Variants in NBEAL1 observed in about 807,000 individuals in gnomAD.
NBEAL1 encodes the protein neurobeachin-like protein 1.
In NBEAL1, 273 loss-of-function variants were observed where a neutral mutation model predicts 351.3. The ratio of observed to expected loss-of-function variants is 0.78; its 90% CI spans 0.70 to 0.86. The LOEUF (loss-of-function observed/expected upper bound fraction) is 0.86. NBEAL1 is among the 40% of genes least tolerant of loss of function. The pLI is 0.00. For synonymous variants in NBEAL1, 1,050 were observed against 1,086.4 expected (o/e 0.97, Z 0.66); for missense variants, 2,961 against 3,201.3 (o/e 0.92, Z 1.81).
chr2:203,205,642 C>T (rs1333519956), intron 51 of NBEAL1, among the ~76,000 whole-genome samples: 2 of 152,152 alleles, frequency 1.3e-5, no homozygotes, highest in African/African-American at 4.8e-5. Flanking sequence ...ATTGTTATTA[C>T]ACTTTACTGA....
intron 11 of NBEAL1, 142 bp downstream of exon 11, chr2:203,097,775 A>G (rs186039987): frequency 4.9e-6 from 1 of 204,740 alleles, no homozygotes; most frequent in Non-Finnish European, 8.6e-6. Flanking sequence ...TTTGAAAATT[A>G]CTAAAAAGTT....
At chr2:203,032,559 C>T (rs2060966593) in intron 2 of NBEAL1, among the ~76,000 whole-genome samples, 1 of 146,694 alleles carries the variant, frequency 6.8e-6, no homozygotes, top group Admixed American at 6.8e-5. Context: ...ACTTGGGAGG[C>T]TGAGGCAGGA....
chr2:203,043,450 A>G (rs534805354), intron 3 of NBEAL1, among the ~76,000 whole-genome samples: 1 of 152,192 alleles, frequency 6.6e-6, no homozygotes, highest in East Asian at 1.9e-4. Flanking sequence ...CCAGTTTAAG[A>G]TAAGTGTTGG....
chr2:203,187,571 C>A (rs1213703973), intron 44 of NBEAL1, among the ~76,000 whole-genome samples: 2 of 151,268 alleles, frequency 1.3e-5, no homozygotes, highest in African/African-American at 4.9e-5. Context: ...AAAACCCCAT[C>A]GCTACTAAAA....
Position 203,136,603 on chromosome 2 carries a change from G to A in NBEAL1, c.4394G>A (p.Cys1465Tyr). 1 of 1,605,676 alleles carries A rather than the reference G, an allele frequency of 6.2e-7. No individual in the cohort carries two copies. Among genetic ancestry groups the A allele is most frequent in the East Asian group, 2.2e-5 (1 of 44,754 alleles). Residue 1465 changes from cysteine (C) to tyrosine (Y), a missense_variant, in exon 29 of 56, where the codon TGT becomes TAT. Physicochemically the swap from Cys to Tyr is radical, Grantham distance 194. Coordinates refer to ENST00000683969, the MANE Select transcript of NBEAL1 (RefSeq NM_001378026.1). Reference sequence around the variant, plus strand: ...ATTACTTTATATTTTCCATAGAGATGTGAGGAGGAGCTTCTTCAATTACTG... The same window carrying A: ...ATTACTTTATATTTTCCATAGAGATATGAGGAGGAGCTTCTTCAATTACTG... ...DFSLLESQERCEEELLQLLTH... is the reference protein window; with the variant it reads ...DFSLLESQERYEEELLQLLTH...
Position 203,077,846 on chromosome 2 carries a change from A to G in NBEAL1, c.684+9A>G. On this transcript the variant is annotated intron_variant, in intron 8 of 55. Coordinates refer to ENST00000683969, the MANE Select transcript of NBEAL1 (RefSeq NM_001378026.1). ...TTGTAGCCGGTGGGCAGGTAAGGAA[A>G]GTGTTGAAATTTAATAAATAAAATT... is the stretch of plus-strand genomic sequence containing the variant. 7.2e-7 allele frequency: 1 copy of G among 1,390,680 alleles called. No homozygotes were observed. Among genetic ancestry groups the G allele is most frequent in the African/African-American group, 1.5e-5 (1 of 68,140 alleles). The allele number at this position is 1,390,680 out of a possible 1,614,324, so 86.1% of individuals were successfully genotyped here.
chr2:203,185,271 A>G (rs1341003374), intron 44 of NBEAL1, among the ~76,000 whole-genome samples: 7 of 152,176 alleles, frequency 4.6e-5, no homozygotes, highest in Non-Finnish European at 1.0e-4. Context: ...TTGGCATTCC[A>G]TTTTTATCCA....
intron 42 of NBEAL1, among the ~76,000 whole-genome samples, chr2:203,179,464 T>C (rs753501835): frequency 3.9e-5 from 6 of 152,076 alleles, no homozygotes; most frequent in Admixed American, 2.0e-4. Context: ...CTGGGCAACA[T>C]AGTGAGACCC....
At chr2:203,161,738 C>G in intron 36 of NBEAL1, among the ~76,000 whole-genome samples, 1 of 151,960 alleles carries the variant, frequency 6.6e-6, no homozygotes, top group Non-Finnish European at 1.5e-5. Context: ...AAGGCTGAGG[C>G]AAGAAGATAC....
intron 1 of NBEAL1, among the ~76,000 whole-genome samples, chr2:203,015,238 TG>T (rs1316186082): frequency 6.6e-6 from 1 of 152,158 alleles, no homozygotes; most frequent in Non-Finnish European, 1.5e-5. Flanking sequence ...TGGGTTGTCT[TG>T]GGATGTGAGG....
intron 19 of NBEAL1, among the ~76,000 whole-genome samples, chr2:203,124,430 CATTTT>C (rs1280527660): frequency 2.6e-5 from 4 of 152,132 alleles, no homozygotes; most frequent in Admixed American, 2.6e-4. Context: ...AATAAAATTA[CATTTT>C]ATTAGGGAGT....
At chr2:203,115,535 G>A (rs1385598026) in intron 17 of NBEAL1, among the ~76,000 whole-genome samples, 2 of 151,950 alleles carry the variant, frequency 1.3e-5, no homozygotes, top group African/African-American at 4.8e-5. Context: ...TCCCAGGCTT[G>A]AGTGATCTCT....
intron 20 of NBEAL1, among the ~76,000 whole-genome samples, 164 bp downstream of exon 20, chr2:203,125,684 C>T (rs765191839): frequency 3.3e-5 from 5 of 151,980 alleles, no homozygotes; most frequent in Non-Finnish European, 7.4e-5. Context: ...ATAATACTTT[C>T]ATCAAAAAAC....
At chr2:203,202,010 A>G (rs913444312) in intron 50 of NBEAL1, among the ~76,000 whole-genome samples, 3 of 152,168 alleles carry the variant, frequency 2.0e-5, no homozygotes, top group Admixed American at 6.6e-5. Context: ...ATGGTAATAA[A>G]ATCTGCTGTC....
At position 203,219,151 on chromosome 2, in the gene NBEAL1, C is replaced by T. The variant is rs1244542576; in HGVS notation, c.*1797C>T. ...CCACCGTGGCTATCTTTTTTTTTATCTTACAGTTTTTTAGGAGATTTCAAG... is the reference window on the plus strand; with the variant it reads ...CCACCGTGGCTATCTTTTTTTTTATTTTACAGTTTTTTAGGAGATTTCAAG... On this transcript the variant is annotated 3_prime_UTR_variant, in exon 56 of 56. Transcript: ENST00000683969. 3 of 151,542 alleles carry T rather than the reference C, an allele frequency of 2.0e-5. No individual in the cohort carries two copies. The East Asian group carries it at 5.8e-4, about 29-fold the overall frequency. 9.4% of individuals were successfully genotyped at this position (151,542 alleles called of 1,614,324 possible).
At chr2:203,105,826 A>G (rs943388134) in intron 12 of NBEAL1, among the ~76,000 whole-genome samples, 1 of 152,224 alleles carries the variant, frequency 6.6e-6, no homozygotes, top group African/African-American at 2.4e-5. Context: ...AGAATGGGAC[A>G]TGAGCACTGG....
chr2:203,093,461 T>C (rs2062111081), intron 10 of NBEAL1, among the ~76,000 whole-genome samples: 1 of 152,166 alleles, frequency 6.6e-6, no homozygotes, highest in East Asian at 1.9e-4. Context: ...TTATTAAAAT[T>C]TACATCCGGA....
rs2060766417 is a variant in NBEAL1, at chr2:203,021,193, G to A, written c.51+4758G>A. On this transcript the variant is annotated intron_variant, in intron 2 of 55. Transcript: ENST00000683969. ...GATGGGGTTTCACCATGTTGGCCGG[G>A]CTGGTCTTGAACTCCTGACCTCAGG... Among the ~76,000 whole-genome samples the A allele has an allele frequency of 2.0e-5, 3 of 151,936 alleles. No homozygotes were observed. The East Asian group carries it at 5.9e-4, about 30-fold the overall frequency.
intron 44 of NBEAL1, among the ~76,000 whole-genome samples, chr2:203,184,830 A>C (rs1180583092): frequency 2.0e-5 from 3 of 151,822 alleles, no homozygotes; most frequent in African/African-American, 7.3e-5. Context: ...GGGAGGCTGA[A>C]GTGAGAGGAT....
Sources: gnomAD v4.1 joint callset for allele counts (sites outside exome capture counted in the v4.1 genomes callset) on GRCh38, gnomAD v4.1.1 for gene constraint, MANE v1.5 for transcripts, NCBI Gene and HGNC (gene_info 2026-07-23, HGNC 2026-07-21) for gene names.